The following STARD5 variants were observed in gnomAD, a reference collection of about 807,000 sequenced individuals.
STARD5 encodes the protein StAR related lipid transfer domain containing 5, also known as stAR-related lipid transfer protein 5.
STARD5 carries 26 observed loss-of-function variants against 24.6 expected under a neutral mutation model. The observed-to-expected ratio is 1.06, with a 90% confidence interval of 0.77 to 1.47. STARD5 has a LOEUF of 1.47. STARD5 is among the 40% of genes most tolerant of loss of function. The probability of loss-of-function intolerance (pLI) is 0.00; values close to 1 mark genes in which losing one functional copy is unlikely to be tolerated. For missense variants in STARD5, 254 were observed against 270.8 expected, an observed-to-expected ratio of 0.94 and a Z score of 0.44; for synonymous variants, 101 against 99.7, an observed-to-expected ratio of 1.01 and a Z score of -0.07.
chr15:81,316,705 A>G (rs1356061434), intron 5 of STARD5, among the ~76,000 whole-genome samples: 2 of 152,238 alleles, frequency 1.3e-5, no homozygotes, highest in Non-Finnish European at 1.5e-5. Context: ...TCACAGAATA[A>G]TAAGAGAATA....
intron 4 of STARD5, among the ~76,000 whole-genome samples, chr15:81,318,815 A>AG (rs1901135888): frequency 6.6e-6 from 1 of 152,234 alleles, no homozygotes; most frequent in Non-Finnish European, 1.5e-5. Flanking sequence ...AATATCAGAG[A>AG]AAAGAACATT....
chr15:81,323,625 A>G, intron 1 of STARD5: 1 of 1,355,118 alleles, frequency 7.4e-7, no homozygotes, highest in Non-Finnish European at 1.0e-6. Flanking sequence ...ACAACATGTA[A>G]AAACCTCCTT....
chr15:81,322,985 AGAAGG>A (rs774812460), intron 1 of STARD5, 37 bp from the exon 2 acceptor site: 47 of 1,610,844 alleles, frequency 2.9e-5, no homozygotes, highest in Non-Finnish European at 3.8e-5. Flanking sequence ...TTTTAGAGCT[AGAAGG>A]GCTCTGGTCA....
rs569227953 is a variant in STARD5 at position 81,313,060 on chromosome 15, C to T, written c.*196G>A. ...TGGAACACATGAATGGCTCATCACA[C>T]GCCAACCCTGAGTGGGGCAGGAGGC... is the stretch of plus-strand genomic sequence containing the variant. On this transcript the variant is annotated 3_prime_UTR_variant, in exon 6 of 6. Coordinates refer to ENST00000302824, the MANE Select transcript of STARD5 (RefSeq NM_181900.3). 9.8e-5 allele frequency: 51 copies of T among 519,194 alleles called. No homozygotes were observed. The highest frequency in any genetic ancestry group is 7.2e-4 in the African/African-American group (36 of 50,146). The allele number at this position is 519,194 out of a possible 1,614,324, so 32.2% of individuals were successfully genotyped here. A position where few individuals can be genotyped will look rare whatever the true frequency, so the allele number is the denominator to read the frequency against.
chr15:81,316,417 G>A (rs1242640457), intron 5 of STARD5, among the ~76,000 whole-genome samples: 1 of 152,208 alleles, frequency 6.6e-6, no homozygotes, highest in Non-Finnish European at 1.5e-5. Context: ...TCTGGGTTAA[G>A]AGCCCAGATT....
intron 4 of STARD5, 144 bp downstream of exon 4, chr15:81,319,195 A>G (rs1003763058): frequency 2.0e-5 from 15 of 756,614 alleles, no homozygotes; most frequent in Admixed American, 8.0e-5. Context: ...AGTCCCCCCA[A>G]ACCCAACCAG....
At chr15:81,322,839 A>T in intron 2 of STARD5, 60 bp downstream of exon 2, 1 of 1,604,460 alleles carries the variant, frequency 6.2e-7, no homozygotes, top group Non-Finnish European at 8.5e-7. Flanking sequence ...AGGCAGGCCC[A>T]TAAAGATACC....
chr15:81,313,695 T>G (rs897349593), intron 5 of STARD5: 1 of 229,900 alleles, frequency 4.3e-6, no homozygotes. Flanking sequence ...ACTCAGCAAA[T>G]GCTTTCAGAG....
Position 81,322,791 on chromosome 15 carries a change from G to A in STARD5, c.149+108C>T, listed in dbSNP as rs568417645. On this transcript the variant is annotated intron_variant, in intron 2 of 5. Transcript: ENST00000302824. ...ACAGTAAGGCTTTTCTGGAGGACAA[G>A]TGATCACAGGTTATAGGGTTGATTT... 29 of 1,443,512 alleles carry A rather than the reference G, an allele frequency of 2.0e-5. 1 individual carries two copies. In the East Asian group the frequency reaches 6.1e-4, roughly 31 times the overall value. The allele number at this position is 1,443,512 out of a possible 1,614,324, so 89.4% of individuals were successfully genotyped here.
Position 81,313,097 on chromosome 15 carries a change from G to A in STARD5, c.*159C>T, listed in dbSNP as rs1019997465. 28 of 829,082 alleles carry A rather than the reference G, an allele frequency of 3.4e-5. No individual in the cohort carries two copies. Among genetic ancestry groups the A allele is most frequent in the Middle Eastern group, 3.7e-4 (1 of 2,696 alleles). 51.4% of individuals were successfully genotyped at this position (829,082 alleles called of 1,614,324 possible). A position where few individuals can be genotyped will look rare whatever the true frequency, so the allele number is the denominator to read the frequency against. ...GTGGGGCAGGAGGCAGGAAGGGTGGGCTGCCGCCTCTGGTTGGCATTCTCA... is the reference window on the plus strand; with the variant it reads ...GTGGGGCAGGAGGCAGGAAGGGTGGACTGCCGCCTCTGGTTGGCATTCTCA... On this transcript the variant is annotated 3_prime_UTR_variant, in exon 6 of 6. Transcript: ENST00000302824.
chr15:81,322,176 C>G (rs973220047), intron 3 of STARD5, among the ~76,000 whole-genome samples: 1 of 152,202 alleles, frequency 6.6e-6, no homozygotes, highest in Admixed American at 6.5e-5. Context: ...AACAGGTATG[C>G]TCCCCGCAGA....
intron 5 of STARD5, among the ~76,000 whole-genome samples, chr15:81,316,356 G>C (rs1207109110): frequency 6.6e-6 from 1 of 152,122 alleles, no homozygotes; most frequent in African/African-American, 2.4e-5. Context: ...GCCTTCATTG[G>C]AATCTAAGTT....
At chr15:81,320,275 C>T (rs1305815563) in intron 3 of STARD5, among the ~76,000 whole-genome samples, 3 of 152,294 alleles carry the variant, frequency 2.0e-5, no homozygotes, top group East Asian at 1.9e-4. Flanking sequence ...CTTGGGGCAT[C>T]GTGTGTTGCT....
rs985451592 is a variant in STARD5 at position 81,323,608 on chromosome 15, G to A, written c.99+393C>T. 5.1e-6 allele frequency: 7 copies of A among 1,363,468 alleles called. No individual in the cohort carries two copies. In the Admixed American group the frequency reaches 5.2e-5, roughly 10 times the overall value. The allele number at this position is 1,363,468 out of a possible 1,614,324, so 84.5% of individuals were successfully genotyped here. Reference sequence around the variant, plus strand: ...TCAGATGCTGGATCAGACTTTACTGGATTTAAACAACATGTAAAAACCTCC... The same window carrying A: ...TCAGATGCTGGATCAGACTTTACTGAATTTAAACAACATGTAAAAACCTCC... On this transcript the variant is annotated intron_variant, in intron 1 of 5. Transcript: ENST00000302824.
At chr15:81,317,306 C>A (rs1171896063) in intron 5 of STARD5, among the ~76,000 whole-genome samples, 1 of 152,140 alleles carries the variant, frequency 6.6e-6, no homozygotes, top group Non-Finnish European at 1.5e-5. Flanking sequence ...GGGATTCAGC[C>A]CCTCAGAAGG....
chr15:81,318,786 C>T (rs1234748472), intron 4 of STARD5, among the ~76,000 whole-genome samples: 1 of 152,212 alleles, frequency 6.6e-6, no homozygotes, highest in African/African-American at 2.4e-5. Flanking sequence ...ATGCACATAG[C>T]TTTCCCAAGC....
At chr15:81,322,696 C>T (rs1284631599) in intron 2 of STARD5, 156 bp from the exon 3 acceptor site, 4 of 1,332,556 alleles carry the variant, frequency 3.0e-6, no homozygotes, top group Non-Finnish European at 4.2e-6. Flanking sequence ...CCCCGCCTCC[C>T]TTCAGGCCTG....
At chr15:81,322,857 G>A in intron 2 of STARD5, 42 bp downstream of exon 2, 1 of 1,612,170 alleles carries the variant, frequency 6.2e-7, no homozygotes, top group Non-Finnish European at 8.5e-7. Flanking sequence ...ACCAGGAAGG[G>A]TGCGGCACCT....
intron 4 of STARD5, 126 bp from the exon 5 acceptor site, chr15:81,318,628 C>T: frequency 1.3e-6 from 1 of 788,438 alleles, no homozygotes; most frequent in South Asian, 1.7e-5. Flanking sequence ...ACTCCTGCCT[C>T]TTGGCGTGAG....
Sources: gnomAD v4.1 joint callset for allele counts (sites outside exome capture counted in the v4.1 genomes callset) on GRCh38, gnomAD v4.1.1 for gene constraint, MANE v1.5 for transcripts, NCBI Gene and HGNC (gene_info 2026-07-23, HGNC 2026-07-21) for gene names.